The following UGT2B4 variants were observed in gnomAD, a reference collection of about 807,000 sequenced individuals.
UGT2B4 encodes UDP glucuronosyltransferase family 2 member B4.
UGT2B4 carries 49 observed loss-of-function variants against 49.8 expected under a neutral mutation model. The ratio of observed to expected loss-of-function variants is 0.98; its 90% CI spans 0.78 to 1.25. The LOEUF is 1.25. Among genes scored for constraint, UGT2B4 ranks in the 50% most tolerant of loss-of-function variants. The pLI, the probability that UGT2B4 is intolerant of heterozygous loss-of-function variation, is 0.00. For missense variants in UGT2B4, 729 were observed against 627.7 expected (o/e 1.16, Z -1.73); for synonymous variants, 246 against 217.7 (o/e 1.13, Z -1.14).
At chr4:69,484,749 T>C (rs12645716) in intron 5 of UGT2B4, among the ~76,000 whole-genome samples, 67,806 of 151,888 alleles carry the variant, frequency 0.45, 15,402 homozygotes, top group South Asian at 0.62. Context: ...TTGGATTTTA[T>C]ACTTAAATAG....
At chr4:69,506,195 A>G (rs1406234206) in intron 1 of UGT2B4, among the ~76,000 whole-genome samples, 1 of 152,166 alleles carries the variant, frequency 6.6e-6, no homozygotes. Flanking sequence ...AAAATTCCAA[A>G]GCTAGCAGAA....
intron 4 of UGT2B4, 138 bp from the exon 5 acceptor site, chr4:69,485,565 G>A: frequency 8.2e-7 from 1 of 1,217,446 alleles, no homozygotes; most frequent in Non-Finnish European, 1.2e-6. Context: ...TTCAGAGGAA[G>A]GAACGCCTAC....
rs377551690 is a variant in UGT2B4 at position 69,485,270 on chromosome 4, G to A, written c.1248C>T (p.Asp416=). ...AGTCTGTACTCGACATTGTGTGGAAGTCCAAACTAACAGCTGCTCCCTTGG... is the reference window on the plus strand; with the variant it reads ...AGTCTGTACTCGACATTGTGTGGAAATCCAAACTAACAGCTGCTCCCTTGG... The part of the protein sequence containing the change: ...MKAKGAAVSL[D]FHTMSSTDLL... Residue 416 remains aspartate, a synonymous_variant, in exon 5 of 6, where the codon GAC becomes GAT. Transcript: ENST00000305107. 5.0e-6 allele frequency: 8 copies of A among 1,613,952 alleles called. No homozygotes were observed. Among genetic ancestry groups the A allele is most frequent in the Admixed American group, 1.7e-5 (1 of 59,986 alleles).
chr4:69,488,723 A>G (rs1300775887), intron 3 of UGT2B4, among the ~76,000 whole-genome samples: 1 of 151,852 alleles, frequency 6.6e-6, no homozygotes, highest in Non-Finnish European at 1.5e-5. Context: ...CACATTTTAT[A>G]CTACACAGGG....
Position 69,509,977 on chromosome 4 carries a change from A to G in UGT2B4, c.-105-14011T>C, listed in dbSNP as rs567834357. On this transcript the variant is annotated intron_variant, in intron 1 of 1. Coordinates refer to the UGT2B4 transcript ENST00000510114. ...CTTTATATTTTCTTCTGGGAAGTCT[A>G]TAGTTTCAAGTCCTATGTTTAAGAC... 2.4e-4 allele frequency among the ~76,000 whole-genome samples: 37 copies of G among 152,246 alleles called. 1 individual carries two copies. The highest frequency in any genetic ancestry group is 6.7e-4 in the African/African-American group (28 of 41,554).
Position 69,495,270 on chromosome 4 carries a change from TAAC to T in UGT2B4, c.589_591del (p.Val197del). On this transcript the variant is annotated inframe_deletion, in exon 1 of 6. Transcript: ENST00000305107. ...GTCATTTGGTCACTTAGTTCTGACA[TAAC>T]AACAGGCACATAGGAAGGAGGGAAC... 6.2e-7 allele frequency: 1 copy of T among 1,613,496 alleles called. No homozygotes were observed. The highest frequency in any genetic ancestry group is 1.7e-5 in the Admixed American group (1 of 59,882).
rs1473980789 is a variant in UGT2B4 at position 69,502,145 on chromosome 4, CTTTCTCTTTCTT to C, written c.-105-6191_-105-6180del. Among the ~76,000 whole-genome samples, 37 of 115,156 alleles carry C rather than the reference CTTTCTCTTTCTT, an allele frequency of 3.2e-4. 1 individual carries two copies. Among genetic ancestry groups the C allele is most frequent in the African/African-American group, 1.2e-3 (36 of 29,436 alleles). The allele number at this position is 115,156 out of a possible 152,430, so 75.5% of individuals were successfully genotyped here. On this transcript the variant is annotated intron_variant, in intron 1 of 1. Coordinates refer to the UGT2B4 transcript ENST00000510114. Reference sequence around the variant, plus strand: ...TCTTTCTTTCTTTCTTTCTTTCTTTCTTTCTCTTTCTTTCTTTCTTCTTTCTTTTCTTCATTC... The same window carrying C: ...TCTTTCTTTCTTTCTTTCTTTCTTTCTCTTTCTTCTTTCTTTTCTTCATTC...
intron 1 of UGT2B4, among the ~76,000 whole-genome samples, chr4:69,503,257 C>T (rs1728389495): frequency 6.6e-6 from 1 of 152,156 alleles, no homozygotes; most frequent in Non-Finnish European, 1.5e-5. Context: ...TGACTGCTTA[C>T]AGGGTAGTCT....
At chr4:69,516,611 GTATT>G (rs149848866) in intron 1 of UGT2B4, among the ~76,000 whole-genome samples, 4 of 151,842 alleles carry the variant, frequency 2.6e-5, no homozygotes, top group African/African-American at 7.3e-5. Context: ...TGTTATTTAT[GTATT>G]TATTTATTTA....
chr4:69,519,642 C>T (rs116593297), intron 1 of UGT2B4, among the ~76,000 whole-genome samples: 307 of 152,250 alleles, frequency 2.0e-3, no homozygotes, highest in African/African-American at 7.1e-3. Context: ...CTCTAAATAC[C>T]TCCTTCACAA....
At chr4:69,503,397 C>T (rs965069402) in intron 1 of UGT2B4, among the ~76,000 whole-genome samples, 42 of 152,198 alleles carry the variant, frequency 2.8e-4, no homozygotes, top group African/African-American at 9.4e-4. Context: ...GCAGCTTCTC[C>T]TGAGTCCACA....
chr4:69,487,340 A>G (rs905795205), intron 3 of UGT2B4, among the ~76,000 whole-genome samples: 1 of 152,230 alleles, frequency 6.6e-6, no homozygotes, highest in Non-Finnish European at 1.5e-5. Context: ...CATGAAATCA[A>G]TCTAAATGCC....
intron 1 of UGT2B4, among the ~76,000 whole-genome samples, chr4:69,502,087 C>CCCTT (rs1728334179): frequency 5.2e-5 from 2 of 38,336 alleles, no homozygotes; most frequent in Non-Finnish European, 1.0e-4. Context: ...TTCTTTCTTT[C>CCCTT]TCTCTCTTTC....
chr4:69,521,925 A>G (rs1370576155), intron 1 of UGT2B4, among the ~76,000 whole-genome samples: 3 of 152,222 alleles, frequency 2.0e-5, no homozygotes, highest in Non-Finnish European at 4.4e-5. Context: ...AGGAACTGAT[A>G]TATCAAATGA....
chr4:69,495,874 C>A lies in UGT2B4; in HGVS notation c.-13G>T, dbSNP rs780230216. 6.4e-7 allele frequency: 1 copy of A among 1,561,446 alleles called. No individual in the cohort carries two copies. The highest frequency in any genetic ancestry group is 8.6e-7 in the Non-Finnish European group (1 of 1,157,288). On this transcript the variant is annotated 5_prime_UTR_variant, in exon 1 of 6. Transcript: ENST00000305107. ...ATTTCATAGACATCCTGATGCAATG[C>A]AATGCTTGTTTTCCAGTTGCTGCTC...
intron 1 of UGT2B4, among the ~76,000 whole-genome samples, chr4:69,506,177 G>C (rs1728461913): frequency 6.6e-6 from 1 of 151,322 alleles, no homozygotes; most frequent in African/African-American, 2.4e-5. Flanking sequence ...AGAGAACCAA[G>C]AGCAAAAAAA....
chr4:69,510,161 A>G (rs1270154233), intron 1 of UGT2B4, among the ~76,000 whole-genome samples: 1 of 152,116 alleles, frequency 6.6e-6, no homozygotes, highest in African/African-American at 2.4e-5. Context: ...AGTTGACTGT[A>G]TATTTGTGGC....
chr4:69,524,200 A>G (rs2080647259), intron 1 of UGT2B4, among the ~76,000 whole-genome samples: 1 of 152,128 alleles, frequency 6.6e-6, no homozygotes, highest in Admixed American at 6.5e-5. Flanking sequence ...TGTATTCACA[A>G]CTAGGTTAAC....
chr4:69,503,458 CT>C (rs1233617177), intron 1 of UGT2B4, among the ~76,000 whole-genome samples: 1 of 152,188 alleles, frequency 6.6e-6, no homozygotes. Context: ...GTGAGTTTAG[CT>C]TTACTTGCCC....
Sources: gnomAD v4.1 joint callset for allele counts (sites outside exome capture counted in the v4.1 genomes callset) on GRCh38, gnomAD v4.1.1 for gene constraint, MANE v1.5 for transcripts, NCBI Gene and HGNC (gene_info 2026-07-23, HGNC 2026-07-21) for gene names.